The following CDKL1 variants were observed in gnomAD, a reference collection of about 807,000 sequenced individuals.
The protein encoded by CDKL1 is cyclin-dependent kinase-like 1.
CDKL1 carries 41 observed loss-of-function variants against 42.0 expected under a neutral mutation model. That is an observed-to-expected ratio of 0.98 (90% CI 0.76 to 1.27). CDKL1 has a LOEUF of 1.27. CDKL1 is among the 50% of genes most tolerant of loss of function. The pLI is 0.00. For missense variants in CDKL1, 394 were observed against 428.4 expected (o/e 0.92, Z 0.71); for synonymous variants, 153 against 158.6 (o/e 0.96, Z 0.26).
chr14:50,395,212 A>T (rs888970831), intron 2 of CDKL1, among the ~76,000 whole-genome samples: 4 of 152,244 alleles, frequency 2.6e-5, no homozygotes, highest in African/African-American at 9.6e-5. Flanking sequence ...GAATTGTCTT[A>T]CATTCCTATA....
At position 50,344,468 on chromosome 14, in the gene CDKL1, GTTT is replaced by G. The variant is rs138592023; in HGVS notation, c.363+515_363+517del. On this transcript the variant is annotated intron_variant, in intron 4 of 9. Coordinates refer to ENST00000395834, the MANE Select transcript of CDKL1 (RefSeq NM_004196.7). ...TATGACTAATTTTTTGTTCTTTGTG[GTTT>G]TTTTTTTTTTTTTTTTGAGACAGGG... 8.2e-3 allele frequency among the ~76,000 whole-genome samples: 1,070 copies of G among 130,840 alleles called. 25 individuals carry two copies. The highest frequency in any genetic ancestry group is 0.025 in the African/African-American group (865 of 34,666). The allele number at this position is 130,840 out of a possible 152,430, so 85.8% of individuals were successfully genotyped here. A position where few individuals can be genotyped will look rare whatever the true frequency, so the allele number is the denominator to read the frequency against.
chr14:50,360,210 C>T (rs1204704461), intron 2 of CDKL1, among the ~76,000 whole-genome samples: 5 of 152,146 alleles, frequency 3.3e-5, no homozygotes, highest in Non-Finnish European at 5.9e-5. Context: ...TGGTGAAATA[C>T]ATACAACACA....
chr14:50,359,269 G>C, intron 2 of CDKL1, 120 bp from the exon 3 acceptor site: 1 of 1,164,204 alleles, frequency 8.6e-7, no homozygotes, highest in Non-Finnish European at 1.2e-6. Context: ...GATTGAAGGA[G>C]GCTGTAAACA....
chr14:50,371,449 T>C (rs988881610), intron 2 of CDKL1, among the ~76,000 whole-genome samples: 12 of 152,258 alleles, frequency 7.9e-5, no homozygotes, highest in African/African-American at 2.2e-4. Flanking sequence ...ATCATTGTGG[T>C]TTAAATTTGC....
At chr14:50,342,061 A>G (rs1595278179) in intron 5 of CDKL1, 71 bp downstream of exon 5, 1 of 1,186,082 alleles carries the variant, frequency 8.4e-7, no homozygotes, top group East Asian at 2.4e-5. Flanking sequence ...CTTCTAGAGC[A>G]TTTAGATCCT....
chr14:50,390,695 T>C (rs2035231680), intron 2 of CDKL1, among the ~76,000 whole-genome samples: 1 of 152,254 alleles, frequency 6.6e-6, no homozygotes, highest in African/African-American at 2.4e-5. Context: ...ACATAGCCCT[T>C]TCCTTGCCCC....
chr14:50,338,066 C>G (rs1338171016), intron 7 of CDKL1, among the ~76,000 whole-genome samples: 1 of 152,126 alleles, frequency 6.6e-6, no homozygotes, highest in East Asian at 1.9e-4. Context: ...CATCTTTATG[C>G]TCTTGGATTA....
chr14:50,397,065 C>A, upstream of CDKL1: 1 of 1,332,016 alleles, frequency 7.5e-7, no homozygotes, highest in Non-Finnish European at 9.9e-7. Context: ...GACCGCGGGC[C>A]GAGTCCTGCT....
intron 2 of CDKL1, among the ~76,000 whole-genome samples, chr14:50,394,968 CT>C (rs1195080525): frequency 6.6e-6 from 1 of 152,084 alleles, no homozygotes; most frequent in Non-Finnish European, 1.5e-5. Flanking sequence ...AAGATCCCAT[CT>C]CTAAAAAATG....
intron 4 of CDKL1, chr14:50,343,089 CAT>C (rs1332899965): frequency 2.4e-5 from 30 of 1,259,504 alleles, no homozygotes; most frequent in Non-Finnish European, 3.1e-5. Context: ...AGAATCTTCA[CAT>C]GATTTTCTCA....
intron 2 of CDKL1, among the ~76,000 whole-genome samples, chr14:50,387,026 C>CAAAAAGAA (rs113649247): frequency 0.54 from 74,622 of 139,076 alleles, 19,376 homozygotes; most frequent in East Asian, 0.69. Flanking sequence ...GACTCCGTCT[C>CAAAAAGAA]AAAAAGAAAA....
intron 3 of CDKL1, among the ~76,000 whole-genome samples, chr14:50,348,950 A>G (rs796746515): frequency 1.3e-5 from 2 of 152,204 alleles, no homozygotes; most frequent in African/African-American, 4.8e-5. Context: ...CATCCCAATA[A>G]TAGAGGGTAC....
chr14:50,385,400 C>T (rs1204728682), intron 2 of CDKL1, among the ~76,000 whole-genome samples: 1 of 152,168 alleles, frequency 6.6e-6, no homozygotes, highest in African/African-American at 2.4e-5. Flanking sequence ...TAAGTCGAGG[C>T]ACATTCCACA....
chr14:50,346,652 GTT>G (rs796264788), intron 3 of CDKL1, among the ~76,000 whole-genome samples: 4 of 142,050 alleles, frequency 2.8e-5, no homozygotes, highest in Non-Finnish European at 1.5e-5. Context: ...TAAATTTTTG[GTT>G]TTTTTTTTTT....
At chr14:50,331,790 G>C in intron 9 of CDKL1, 1 of 531,896 alleles carries the variant, frequency 1.9e-6, no homozygotes, top group Non-Finnish European at 3.3e-6. Context: ...GTATTCAGCT[G>C]ATACCACCAA....
chr14:50,378,430 A>G, intron 2 of CDKL1: 1 of 1,366,058 alleles, frequency 7.3e-7, no homozygotes, highest in African/African-American at 1.5e-5. Context: ...GTAAAATGTA[A>G]GGCTGGAAAA....
At chr14:50,390,242 T>G (rs2035215146) in intron 2 of CDKL1, 1 of 1,365,540 alleles carries the variant, frequency 7.3e-7, no homozygotes, top group African/African-American at 1.5e-5. Flanking sequence ...CCTTGACCAA[T>G]GCTGGTCTAA....
intron 2 of CDKL1, chr14:50,378,228 G>A: frequency 7.3e-7 from 1 of 1,366,422 alleles, no homozygotes; most frequent in Non-Finnish European, 9.8e-7. Flanking sequence ...TTAGGAGGGG[G>A]ATGCCTGTCC....
chr14:50,397,194 TC>T, upstream of CDKL1: 3 of 1,366,530 alleles, frequency 2.2e-6, no homozygotes, highest in Non-Finnish European at 2.9e-6. Flanking sequence ...GGTCCACATT[TC>T]CCTGCAACAG....
Sources: gnomAD v4.1 joint callset for allele counts (sites outside exome capture counted in the v4.1 genomes callset) on GRCh38, gnomAD v4.1.1 for gene constraint, MANE v1.5 for transcripts, NCBI Gene and HGNC (gene_info 2026-07-23, HGNC 2026-07-21) for gene names.